Variants in TOP1MT observed in about 807,000 individuals in gnomAD.
TOP1MT encodes the protein DNA topoisomerase I, mitochondrial.
TOP1MT carries 80 observed loss-of-function variants against 73.9 expected under a neutral mutation model. The ratio of observed to expected loss-of-function variants is 1.08; its 90% CI spans 0.90 to 1.30. TOP1MT has a LOEUF of 1.30. Among genes scored for constraint, TOP1MT ranks in the 50% most tolerant of loss-of-function variants. The probability of loss-of-function intolerance (pLI) is 0.00; values close to 1 mark genes in which losing one functional copy is unlikely to be tolerated. For missense variants in TOP1MT, 815 were observed against 808.0 expected (o/e 1.01, Z -0.10); for synonymous variants, 338 against 326.4 (o/e 1.04, Z -0.38).
At chr8:143,321,602 ACACG>A (rs1484323162) in intron 7 of TOP1MT, among the ~76,000 whole-genome samples, 18 of 112,032 alleles carry the variant, frequency 1.6e-4, no homozygotes, top group African/African-American at 3.4e-4. Flanking sequence ...CACGCACGCC[ACACG>A]CACGCACGCC....
At chr8:143,316,209 C>T in intron 10 of TOP1MT, 83 bp from the exon 11 acceptor site, 1 of 1,597,556 alleles carries the variant, frequency 6.3e-7, no homozygotes, top group Non-Finnish European at 8.5e-7. Context: ...TAACGCGCCA[C>T]ACAGCGCAGC....
rs763947080 is a variant in TOP1MT, at chr8:143,317,728, G to A, written c.1325C>T (p.Thr442Met). 1.2e-5 allele frequency: 19 copies of A among 1,613,348 alleles called. No individual in the cohort carries two copies. The highest frequency in any genetic ancestry group is 8.3e-5 in the Admixed American group (5 of 60,006). The change falls in exon 10 of 14, where the codon ACG (threonine) becomes ATG (methionine). Residue 442 changes from threonine (T) to methionine (M), a missense_variant. Coordinates refer to ENST00000329245, the MANE Select transcript of TOP1MT (RefSeq NM_052963.3). ...TGGGTGTGGGGCAGGCTCACCGCGC[G>A]TCAGGGCCCGCAGCTGCTCCTGCAG... ...ITLQEQLRAL[T>M]RAEDSIAAKI...
At chr8:143,328,330 C>A (rs1048713024) in intron 3 of TOP1MT, 7 of 444,902 alleles carry the variant, frequency 1.6e-5, no homozygotes, top group Non-Finnish European at 2.2e-5. Context: ...ACCCAGGATG[C>A]GTTTTTAAAA....
chr8:143,315,855 C>G (rs754281785), intron 11 of TOP1MT, 34 bp from the exon 12 acceptor site: 1 of 1,608,414 alleles, frequency 6.2e-7, no homozygotes, highest in Non-Finnish European at 8.5e-7. Flanking sequence ...GGCTGCCCCT[C>G]CCCATCCCGC....
chr8:143,334,769 C>T lies in TOP1MT; in HGVS notation c.93G>A (p.Ser31=). 6.3e-7 allele frequency: 1 copy of T among 1,595,086 alleles called. No individual in the cohort carries two copies. The highest frequency in any genetic ancestry group is 8.5e-7 in the Non-Finnish European group (1 of 1,172,522). The change falls in exon 1 of 14, where the codon TCG becomes TCA. Residue 31 remains serine (S), a synonymous_variant. Transcript: ENST00000329245. ...RRPASRGVPG[S]RRTQKGSGAR... is the part of the protein sequence containing the mutation. ...CTCCACTGCCCTTCTGCGTCCTGCG[C>T]GAGCCCGGGACACCCCGGGAGGCCG... is the stretch of plus-strand genomic sequence containing the variant.
At chr8:143,348,579 C>T (rs1014952003), upstream of TOP1MT, among the ~76,000 whole-genome samples, 1 of 146,724 alleles carries the variant, frequency 6.8e-6, no homozygotes, top group Admixed American at 6.7e-5. The surrounding 1 kb of genome is among the most constrained non-coding windows in gnomAD (Gnocchi z 4.6). Context: ...TCCTGTGTCA[C>T]TCTTGTACTC....
intron 5 of TOP1MT, among the ~76,000 whole-genome samples, chr8:143,324,867 A>G (rs1816661736): frequency 2.0e-5 from 3 of 152,282 alleles, no homozygotes. Context: ...CCACCCAAGC[A>G]AGGCACCGCT....
intron 7 of TOP1MT, among the ~76,000 whole-genome samples, chr8:143,322,730 CCACACACGCCACACACGCACGCACGCCA>C: frequency 6.1e-5 from 1 of 16,468 alleles, no homozygotes; most frequent in Non-Finnish European, 9.4e-5. Context: ...CACAGGCACG[CCACACACGCCACACACGCACGCACGCCA>C]CACACGCACG....
At chr8:143,329,998 G>T (rs1013348926) in intron 2 of TOP1MT, among the ~76,000 whole-genome samples, 1 of 152,220 alleles carries the variant, frequency 6.6e-6, no homozygotes, top group African/African-American at 2.4e-5. Context: ...GGGAACGAGG[G>T]TGTTCACCAG....
chr8:143,326,475 C>G (rs1446938986), intron 3 of TOP1MT, 131 bp from the exon 4 acceptor site: 24 of 1,225,430 alleles, frequency 2.0e-5, no homozygotes, highest in Middle Eastern at 4.1e-4. Flanking sequence ...TAGGCAGAAC[C>G]TGCGCACGGT....
In TOP1MT at chr8:143,321,188, C is replaced by G. The variant is rs772789159; in HGVS notation, c.1146+13G>C. 2.5e-6 allele frequency: 4 copies of G among 1,574,742 alleles called. No individual in the cohort carries two copies. In the African/African-American group the frequency reaches 5.4e-5, roughly 21 times the overall value. On this transcript the variant is annotated intron_variant, in intron 8 of 13. Coordinates refer to ENST00000329245, the MANE Select transcript of TOP1MT (RefSeq NM_052963.3). ...TGTCACATAGCGGGGGCAGCTGGCG[C>G]GAGGGCACTCACCGGCTTCTCCACC...
upstream of TOP1MT, among the ~76,000 whole-genome samples, chr8:143,338,083 G>A (rs992541148): frequency 9.2e-5 from 14 of 152,154 alleles, no homozygotes; most frequent in African/African-American, 3.4e-4. Flanking sequence ...GCTCCCAGCT[G>A]ATTAAAACCT....
chr8:143,322,734 A>ACACG lies in TOP1MT; in HGVS notation c.960+1261_960+1264dup, dbSNP rs1554620408. 5.8e-3 allele frequency among the ~76,000 whole-genome samples: 71 copies of ACACG among 12,278 alleles called. 7 individuals carry two copies. Among genetic ancestry groups the ACACG allele is most frequent in the Non-Finnish European group, 8.7e-3 (68 of 7,828 alleles). The allele number at this position is 12,278 out of a possible 152,430, so 8.1% of individuals were successfully genotyped here. ...CGCACGCCACACACAGGCACGCCAC[A>ACACG]CACGCCACACACGCACGCACGCCAC... On this transcript the variant is annotated intron_variant, in intron 7 of 13. Coordinates refer to ENST00000329245, the MANE Select transcript of TOP1MT (RefSeq NM_052963.3).
chr8:143,329,272 C>T (rs1240878217), intron 3 of TOP1MT, 78 bp downstream of exon 3: 1 of 1,462,780 alleles, frequency 6.8e-7, no homozygotes. Flanking sequence ...GAGGGGCGTT[C>T]AGAGGCAGCA....
At chr8:143,332,412 G>GCTCCCA in intron 1 of TOP1MT, 4 of 1,118,774 alleles carry the variant, frequency 3.6e-6, no homozygotes, top group Non-Finnish European at 4.8e-6. Flanking sequence ...TCAGGATGGG[G>GCTCCCA]GAGAGTGAGA....
At chr8:143,328,976 G>A (rs1473676379) in intron 3 of TOP1MT, among the ~76,000 whole-genome samples, 1 of 152,168 alleles carries the variant, frequency 6.6e-6, no homozygotes, top group African/African-American at 2.4e-5. Context: ...TGTCTTCCTG[G>A]GGGCTGGGAA....
At chr8:143,347,208 G>A (rs112079315), upstream of TOP1MT, among the ~76,000 whole-genome samples, 3 of 152,028 alleles carry the variant, frequency 2.0e-5, no homozygotes, top group East Asian at 1.9e-4. Context: ...AGGCTGGGGT[G>A]CAGTGGCGCG....
intron 1 of TOP1MT, among the ~76,000 whole-genome samples, chr8:143,333,317 G>A (rs1233169892): frequency 2.0e-5 from 3 of 152,094 alleles, no homozygotes; most frequent in African/African-American, 7.2e-5. Flanking sequence ...GCGTGGTGGC[G>A]GGTGCCTGTA....
chr8:143,331,709 T>C, intron 1 of TOP1MT: 1 of 183,466 alleles, frequency 5.5e-6, no homozygotes, highest in East Asian at 1.3e-4. Context: ...CGGGAACCTC[T>C]CCATGGGACC....
Sources: allele counts gnomAD v4.1 joint callset (sites outside exome capture counted in the v4.1 genomes callset), GRCh38; gene constraint gnomAD v4.1.1; non-coding constraint Gnocchi (gnomAD v3.1); transcripts MANE v1.5; gene names NCBI Gene and HGNC (gene_info 2026-07-23, HGNC 2026-07-21).